The following ZDHHC14 variants were observed in gnomAD, a reference collection of about 807,000 sequenced individuals.
ZDHHC14 encodes zDHHC palmitoyltransferase 14, also known as palmitoyltransferase ZDHHC14.
In ZDHHC14, 16 loss-of-function variants were observed where a neutral mutation model predicts 47.7. The ratio of observed to expected loss-of-function variants is 0.34; its 90% CI spans 0.23 to 0.51. The LOEUF (loss-of-function observed/expected upper bound fraction) is 0.51, where lower values mean the gene tolerates loss of function less well. Ranked by LOEUF, ZDHHC14 falls within the 20% of genes least tolerant of loss-of-function variation. ZDHHC14 has a pLI of 0.97. For missense variants in ZDHHC14, 515 were observed against 662.5 expected (o/e 0.78, Z 2.44); for synonymous variants, 293 against 278.9 (o/e 1.05, Z -0.50).
At chr6:157,442,725 G>A (rs1029281055) in intron 1 of ZDHHC14, among the ~76,000 whole-genome samples, 4 of 152,190 alleles carry the variant, frequency 2.6e-5, no homozygotes, top group Non-Finnish European at 5.9e-5. Flanking sequence ...TCTGAAGCCC[G>A]CCCAGCAGAC....
At chr6:157,495,316 C>T (rs191007821) in intron 1 of ZDHHC14, among the ~76,000 whole-genome samples, 117 of 152,254 alleles carry the variant, frequency 7.7e-4, no homozygotes, top group Non-Finnish European at 1.3e-3. Flanking sequence ...TTCTGCCTTT[C>T]CTGTTTCATT....
At chr6:157,549,679 A>T (rs1315841155) in intron 2 of ZDHHC14, among the ~76,000 whole-genome samples, 1 of 152,152 alleles carries the variant, frequency 6.6e-6, no homozygotes, top group Non-Finnish European at 1.5e-5. Flanking sequence ...GAGAACTGGA[A>T]ACCAGATGTC....
Position 157,407,664 on chromosome 6 carries a change from G to T in ZDHHC14, c.245+25398G>T, listed in dbSNP as rs191242036. Among the ~76,000 whole-genome samples, 703 of 152,334 alleles carry T rather than the reference G, an allele frequency of 4.6e-3. 2 individuals are homozygous for T. The highest frequency in any genetic ancestry group is 0.011 in the Admixed American group (169 of 15,302). On this transcript the variant is annotated intron_variant, in intron 1 of 8. Transcript: ENST00000359775. ...GTCTCTTTTGAAAATTCCTGTTGGT[G>T]CTTTGGCCATGTGATTACAATGAAA...
At chr6:157,446,030 CTTTAT>C (rs1470840052) in intron 1 of ZDHHC14, among the ~76,000 whole-genome samples, 2 of 152,164 alleles carry the variant, frequency 1.3e-5, no homozygotes, top group Non-Finnish European at 2.9e-5. Flanking sequence ...GATAATTACC[CTTTAT>C]TTTAATTTGA....
chr6:157,437,382 A>T (rs768017920), intron 1 of ZDHHC14, among the ~76,000 whole-genome samples: 1 of 152,196 alleles, frequency 6.6e-6, no homozygotes, highest in Non-Finnish European at 1.5e-5. Flanking sequence ...GTGAAGATGA[A>T]TGGCGGTGCT....
intron 1 of ZDHHC14, among the ~76,000 whole-genome samples, chr6:157,433,330 C>T (rs1421442985): frequency 1.3e-5 from 2 of 152,066 alleles, no homozygotes; most frequent in South Asian, 2.1e-4. Flanking sequence ...TTTCTGATAT[C>T]GAAAGAAGGG....
chr6:157,529,057 C>T (rs1781273416), intron 1 of ZDHHC14: 1 of 154,562 alleles, frequency 6.5e-6, no homozygotes, highest in African/African-American at 2.4e-5. Context: ...CTTGTAGTTG[C>T]TAGTGTCTAG....
chr6:157,504,342 A>G (rs1331441013), intron 1 of ZDHHC14, among the ~76,000 whole-genome samples: 3 of 137,298 alleles, frequency 2.2e-5, no homozygotes, highest in South Asian at 2.3e-4. Flanking sequence ...TTTTTTTTTT[A>G]GTAGAGACGG....
intron 3 of ZDHHC14, among the ~76,000 whole-genome samples, chr6:157,622,207 C>T (rs1785219395): frequency 8.9e-6 from 1 of 112,456 alleles, no homozygotes; most frequent in Non-Finnish European, 1.7e-5. Context: ...CCCATCTCCA[C>T]TAAAAATACA....
intron 1 of ZDHHC14, among the ~76,000 whole-genome samples, chr6:157,514,254 C>T (rs993362273): frequency 6.6e-6 from 1 of 152,208 alleles, no homozygotes; most frequent in Non-Finnish European, 1.5e-5. Context: ...TGTAAACAAC[C>T]GACAAGCCAG....
chr6:157,602,395 C>T (rs566636051), intron 3 of ZDHHC14, among the ~76,000 whole-genome samples: 1 of 147,462 alleles, frequency 6.8e-6, no homozygotes, highest in East Asian at 2.0e-4. Context: ...AAGGCTGAGG[C>T]AGGAGAATCG....
chr6:157,443,995 G>T (rs1327636751), intron 1 of ZDHHC14, among the ~76,000 whole-genome samples: 1 of 152,196 alleles, frequency 6.6e-6, no homozygotes, highest in South Asian at 2.1e-4. Flanking sequence ...GAGTCAGCTA[G>T]CATTTAATAA....
At position 157,647,515 on chromosome 6, in the gene ZDHHC14, G is replaced by A. The variant is rs2271071; in HGVS notation, c.965+147G>A. The A allele has an allele frequency of 3.2e-4, 180 of 556,794 alleles. No individual in the cohort carries two copies. In the East Asian group the frequency reaches 4.9e-3, roughly 15 times the overall value. The allele number at this position is 556,794 out of a possible 1,614,324, so 34.5% of individuals were successfully genotyped here. A position where few individuals can be genotyped will look rare whatever the true frequency, so the allele number is the denominator to read the frequency against. ...GCGTGGATGTGGCCTTCGTGAAATC[G>A]AGATCTGGCTGTTTGTCGTGTCACA... On this transcript the variant is annotated intron_variant, in intron 7 of 8. Transcript: ENST00000359775.
intron 3 of ZDHHC14, among the ~76,000 whole-genome samples, chr6:157,603,435 G>A (rs1784415628): frequency 6.6e-6 from 1 of 152,208 alleles, no homozygotes; most frequent in African/African-American, 2.4e-5. Flanking sequence ...GCCACACTGA[G>A]AGGCCCTTGG....
chr6:157,538,918 T>C (rs930122846), intron 1 of ZDHHC14, among the ~76,000 whole-genome samples: 1 of 152,056 alleles, frequency 6.6e-6, no homozygotes, highest in African/African-American at 2.4e-5. Flanking sequence ...TGGCCATTGC[T>C]GGGATTCAGG....
At chr6:157,420,707 G>A (rs1778083506) in intron 1 of ZDHHC14, among the ~76,000 whole-genome samples, 1 of 152,218 alleles carries the variant, frequency 6.6e-6, no homozygotes, top group African/African-American at 2.4e-5. Context: ...ACGAGCATAG[G>A]TCAGAACTTG....
At chr6:157,651,965 C>T (rs932515820) in intron 7 of ZDHHC14, among the ~76,000 whole-genome samples, 4 of 152,206 alleles carry the variant, frequency 2.6e-5, no homozygotes, top group Admixed American at 2.6e-4. Flanking sequence ...GGCTGTCACC[C>T]GCGCTAGAGG....
intron 1 of ZDHHC14, among the ~76,000 whole-genome samples, chr6:157,387,737 G>A (rs1217863480): frequency 1.3e-5 from 2 of 152,144 alleles, no homozygotes; most frequent in Non-Finnish European, 2.9e-5. Context: ...CTTGAGGATG[G>A]GGACTCGCCT....
At chr6:157,616,942 G>C (rs1045359108) in intron 3 of ZDHHC14, among the ~76,000 whole-genome samples, 1 of 152,154 alleles carries the variant, frequency 6.6e-6, no homozygotes, top group African/African-American at 2.4e-5. Context: ...TTGGCCCCCA[G>C]ATCTCAGATT....
Sources: allele counts gnomAD v4.1 joint callset (sites outside exome capture counted in the v4.1 genomes callset), GRCh38; gene constraint gnomAD v4.1.1; transcripts MANE v1.5; gene names NCBI Gene and HGNC (gene_info 2026-07-23, HGNC 2026-07-21).